The following NDRG3 variants were observed in gnomAD, a reference collection of about 807,000 sequenced individuals.
The protein encoded by NDRG3 is NDRG family member 3.
Under a neutral mutation model 57.2 loss-of-function variants are expected in NDRG3, and 23 were observed. That is an observed-to-expected ratio of 0.40 (90% confidence interval 0.29 to 0.57). The LOEUF (loss-of-function observed/expected upper bound fraction) is 0.57, where lower values mean the gene tolerates loss of function less well. Among genes scored for constraint, NDRG3 ranks in the 20% least tolerant of loss-of-function variants. The probability of loss-of-function intolerance (pLI) is 0.42; values close to 1 mark genes in which losing one functional copy is unlikely to be tolerated. For missense variants in NDRG3, 384 were observed against 457.3 expected (o/e 0.84, Z 1.46); for synonymous variants, 132 against 162.6 (o/e 0.81, Z 1.43).
chr20:36,664,469 T>C (rs1490106446), intron 12 of NDRG3, among the ~76,000 whole-genome samples: 3 of 152,228 alleles, frequency 2.0e-5, no homozygotes, highest in African/African-American at 7.2e-5. Flanking sequence ...AGGCTGAGGC[T>C]GTCAGAAATC....
intron 8 of NDRG3, among the ~76,000 whole-genome samples, chr20:36,679,041 C>T (rs1257065498): frequency 6.6e-6 from 1 of 152,264 alleles, no homozygotes; most frequent in Non-Finnish European, 1.5e-5. Flanking sequence ...ACCTCCACCT[C>T]CTGGGTTCAA....
chr20:36,720,329 C>T (rs772410592), intron 2 of NDRG3, among the ~76,000 whole-genome samples: 9 of 151,734 alleles, frequency 5.9e-5, no homozygotes, highest in Admixed American at 1.3e-4. Flanking sequence ...TGCACCACCA[C>T]GCCCAGCTAA....
intron 3 of NDRG3, among the ~76,000 whole-genome samples, chr20:36,695,550 T>C (rs1982707185): frequency 6.6e-6 from 1 of 152,332 alleles, no homozygotes; most frequent in African/African-American, 2.4e-5. Flanking sequence ...AAATGGCCGC[T>C]GTGGGAGTGT....
intron 8 of NDRG3, among the ~76,000 whole-genome samples, chr20:36,679,504 A>G (rs1007830863): frequency 7.0e-6 from 1 of 143,062 alleles, no homozygotes. Context: ...TTAAATTGCA[A>G]TTTTTTTTTT....
intron 12 of NDRG3, among the ~76,000 whole-genome samples, chr20:36,664,455 T>C (rs1217081638): frequency 1.3e-5 from 2 of 152,162 alleles, no homozygotes; most frequent in Non-Finnish European, 2.9e-5. Context: ...CTATTCCAGA[T>C]TAAAGGCTGA....
intron 2 of NDRG3, among the ~76,000 whole-genome samples, chr20:36,713,718 A>G (rs1984057217): frequency 6.6e-6 from 1 of 152,206 alleles, no homozygotes; most frequent in African/African-American, 2.4e-5. Context: ...TGGTCCTGAC[A>G]CTTAATGAGT....
chr20:36,707,227 G>A (rs1041151511), intron 2 of NDRG3, among the ~76,000 whole-genome samples: 7 of 152,228 alleles, frequency 4.6e-5, no homozygotes, highest in African/African-American at 7.2e-5. Context: ...GTGGGCTTAT[G>A]AGAAGATAAA....
In NDRG3 at chr20:36,653,730, G is replaced by A; in HGVS notation, c.947-29C>T. ...TAACAGAGAACCAAGGGGACTAGAAGATGAAGCCCCGGTTAAGCCCAGCTA... is the reference window on the plus strand; with the variant it reads ...TAACAGAGAACCAAGGGGACTAGAAAATGAAGCCCCGGTTAAGCCCAGCTA... On this transcript the variant is annotated intron_variant, in intron 15 of 15. Transcript: ENST00000349004. This position sits in a 1 kb window ranked among gnomAD's most constrained non-coding sequence, Gnocchi z 4.2. 6.3e-7 allele frequency: 1 copy of A among 1,599,498 alleles called. No individual in the cohort carries two copies. The highest frequency in any genetic ancestry group is 8.5e-7 in the Non-Finnish European group (1 of 1,172,546).
chr20:36,672,325 T>A (rs1980241737), intron 8 of NDRG3, among the ~76,000 whole-genome samples: 1 of 152,232 alleles, frequency 6.6e-6, no homozygotes. Context: ...TGTTGCTGAT[T>A]CCTGTTCGGC....
intron 1 of NDRG3, among the ~76,000 whole-genome samples, chr20:36,727,323 G>A (rs538646627): frequency 4.6e-5 from 7 of 150,614 alleles, no homozygotes; most frequent in African/African-American, 7.3e-5. Flanking sequence ...GGGTTCAAGC[G>A]ATTCTCCTGC....
intron 13 of NDRG3, among the ~76,000 whole-genome samples, chr20:36,659,746 G>A (rs572474034): frequency 1.3e-4 from 20 of 151,794 alleles, no homozygotes; most frequent in Non-Finnish European, 2.1e-4. Context: ...GACTACAGGC[G>A]TGGGCCACCA....
At chr20:36,678,658 C>T (rs563743297) in intron 8 of NDRG3, among the ~76,000 whole-genome samples, 8 of 152,080 alleles carry the variant, frequency 5.3e-5, no homozygotes, top group Non-Finnish European at 7.4e-5. Context: ...CCAGCCTGGG[C>T]GACAAGAGCG....
chr20:36,700,543 A>G (rs549672673), intron 3 of NDRG3: 3 of 523,248 alleles, frequency 5.7e-6, no homozygotes, highest in South Asian at 1.4e-5. Context: ...GAGCTGATTC[A>G]GTTGTCAGGC....
At chr20:36,688,200 A>C (rs941129692) in intron 4 of NDRG3, among the ~76,000 whole-genome samples, 17 of 152,370 alleles carry the variant, frequency 1.1e-4, no homozygotes, top group Middle Eastern at 3.4e-3. Context: ...GAAAGAAAAC[A>C]CATGTATGCA....
At chr20:36,727,313 G>C (rs1034031020) in intron 1 of NDRG3, among the ~76,000 whole-genome samples, 3 of 150,836 alleles carry the variant, frequency 2.0e-5, no homozygotes, top group Non-Finnish European at 3.0e-5. Flanking sequence ...TCCGCCTCTT[G>C]GGTTCAAGCG....
Position 36,746,081 on chromosome 20 carries a change from C to CA in NDRG3, c.-86_-85insT, listed in dbSNP as rs1329888644. On this transcript the variant is annotated 5_prime_UTR_variant, in exon 1 of 16. Transcript: ENST00000349004. ...GCACCCGCCGTCAGTGCAGCAGCAG[C>CA]GGCGGCGGCGGCGGCGGCGGCGGCG... 18 of 3,984 alleles carry CA rather than the reference C, an allele frequency of 4.5e-3. No individual in the cohort carries two copies. Among genetic ancestry groups the CA allele is most frequent in the South Asian group, 0.013 (1 of 78 alleles). The allele number at this position is 3,984 out of a possible 1,614,324, so 0.2% of individuals were successfully genotyped here. A position where few individuals can be genotyped will look rare whatever the true frequency, so the allele number is the denominator to read the frequency against.
chr20:36,698,367 A>G (rs1982978253), intron 3 of NDRG3, among the ~76,000 whole-genome samples: 1 of 151,742 alleles, frequency 6.6e-6, no homozygotes, highest in African/African-American at 2.4e-5. Context: ...GGGTAGGAGG[A>G]CTGCTCGAGC....
intron 1 of NDRG3, among the ~76,000 whole-genome samples, chr20:36,743,286 G>A (rs893152147): frequency 6.6e-6 from 1 of 151,124 alleles, no homozygotes; most frequent in Admixed American, 6.6e-5. Flanking sequence ...CTGAGGTCAG[G>A]AATTCAAGAC....
rs36022065 is a variant in NDRG3 at position 36,723,659 on chromosome 20, A to AGTGTGTGTGTGTGTGT, written c.-48-1892_-48-1877dup. Among the ~76,000 whole-genome samples the AGTGTGTGTGTGTGTGT allele has an allele frequency of 3.4e-3, 451 of 132,932 alleles. 1 individual carries two copies. The highest frequency in any genetic ancestry group is 5.4e-3 in the African/African-American group (189 of 35,322). 87.2% of individuals were successfully genotyped at this position (132,932 alleles called of 152,430 possible). A position where few individuals can be genotyped will look rare whatever the true frequency, so the allele number is the denominator to read the frequency against. ...GAAAGCCTTCAAAAGATATTAGTCTAGTGTGTGTGTGTGTGTGTGTGTGTG... is the reference window on the plus strand; with the variant it reads ...GAAAGCCTTCAAAAGATATTAGTCTAGTGTGTGTGTGTGTGTGTGTGTGTGTGTGTGTGTGTGTGTG... On this transcript the variant is annotated intron_variant, in intron 1 of 15. Transcript: ENST00000349004.
Sources: gnomAD v4.1 joint callset for allele counts (sites outside exome capture counted in the v4.1 genomes callset) on GRCh38, gnomAD v4.1.1 for gene constraint, Gnocchi (gnomAD v3.1) non-coding constraint, MANE v1.5 for transcripts, NCBI Gene and HGNC (gene_info 2026-07-23, HGNC 2026-07-21) for gene names.